The following CYP4Z1 variants were observed in gnomAD, a reference collection of about 807,000 sequenced individuals.
CYP4Z1 encodes the protein cytochrome P450 family 4 subfamily Z member 1.
In CYP4Z1, 41 loss-of-function variants were observed where a neutral mutation model predicts 54.2. The observed-to-expected ratio is 0.76, with a 90% CI of 0.59 to 0.98. The LOEUF (loss-of-function observed/expected upper bound fraction) is 0.98. Ranked by LOEUF, CYP4Z1 falls within the 50% of genes least tolerant of loss-of-function variation. The pLI is 0.00. For synonymous variants in CYP4Z1, 163 were observed against 206.2 expected (o/e 0.79, Z 1.79); for missense variants, 513 against 599.0 (o/e 0.86, Z 1.50).
chr1:47,082,962 G>A (rs397832645), intron 4 of CYP4Z1, among the ~76,000 whole-genome samples: 2 of 150,776 alleles, frequency 1.3e-5, no homozygotes, highest in Non-Finnish European at 3.0e-5. Context: ...GTGCAGAGAT[G>A]TCACAAGACA....
chr1:47,082,608 C>T (rs1232792460), intron 4 of CYP4Z1, 147 bp downstream of exon 4: 1 of 1,080,926 alleles, frequency 9.3e-7, no homozygotes, highest in Non-Finnish European at 1.3e-6. Flanking sequence ...CCATCATCAT[C>T]AGGGCAAGGA....
At chr1:47,062,003 A>G in the CYP4Z1 span, among the ~76,000 whole-genome samples, 1 of 152,194 alleles carries the variant, frequency 6.6e-6, no homozygotes, top group Non-Finnish European at 1.5e-5. Flanking sequence ...TAAAAACTCT[A>G]AATAAACTAT....
At chr1:47,114,787 C>A (rs1043368364) in intron 9 of CYP4Z1, among the ~76,000 whole-genome samples, 1 of 152,136 alleles carries the variant, frequency 6.6e-6, no homozygotes, top group African/African-American at 2.4e-5. Context: ...ATTAAAAAGT[C>A]AGGAAACAAC....
chr1:47,109,414 G>C (rs1273442980), intron 9 of CYP4Z1, among the ~76,000 whole-genome samples: 1 of 152,158 alleles, frequency 6.6e-6, no homozygotes, highest in Non-Finnish European at 1.5e-5. Context: ...AATAAGCTTA[G>C]TAAGGCTGAG....
At chr1:47,113,783 A>G (rs898694481) in intron 9 of CYP4Z1, among the ~76,000 whole-genome samples, 4 of 152,182 alleles carry the variant, frequency 2.6e-5, no homozygotes, top group Non-Finnish European at 4.4e-5. Flanking sequence ...CCGCTGCTCA[A>G]TGAAATAAAA....
At chr1:47,086,045 A>G (rs896517676) in intron 6 of CYP4Z1, among the ~76,000 whole-genome samples, 27 of 152,066 alleles carry the variant, frequency 1.8e-4, no homozygotes, top group African/African-American at 6.3e-4. Flanking sequence ...ATGGCTGCAT[A>G]GTATTCCATG....
chr1:47,098,100 A>T (rs961818240), intron 7 of CYP4Z1, among the ~76,000 whole-genome samples: 3 of 152,134 alleles, frequency 2.0e-5, no homozygotes, highest in African/African-American at 7.2e-5. Flanking sequence ...TACAAGCGTG[A>T]GCCGCTGCAC....
intron 4 of CYP4Z1, 59 bp downstream of exon 4, chr1:47,082,520 T>A (rs1644562491): frequency 6.4e-7 from 1 of 1,573,654 alleles, no homozygotes; most frequent in African/African-American, 1.4e-5. Flanking sequence ...GCCAGCCATA[T>A]GGTGTGGGAG....
intron 9 of CYP4Z1, 97 bp downstream of exon 9, chr1:47,106,358 T>G: frequency 7.2e-7 from 1 of 1,385,654 alleles, no homozygotes; most frequent in Non-Finnish European, 9.7e-7. Context: ...ATCCTTAGAC[T>G]CTGTGGAACC....
At chr1:47,090,459 G>A (rs1644630920) in intron 6 of CYP4Z1, among the ~76,000 whole-genome samples, 1 of 152,186 alleles carries the variant, frequency 6.6e-6, no homozygotes, top group African/African-American at 2.4e-5. Flanking sequence ...AATTTCCTTT[G>A]AAAAGTTTAC....
intron 6 of CYP4Z1, among the ~76,000 whole-genome samples, chr1:47,085,927 AG>A (rs1337618617): frequency 2.1e-5 from 3 of 142,710 alleles, no homozygotes; most frequent in Non-Finnish European, 4.5e-5. Flanking sequence ...CCCACCTATG[AG>A]TGAGAACATG....
intron 6 of CYP4Z1, among the ~76,000 whole-genome samples, chr1:47,089,448 T>TC (rs1644622364): frequency 6.6e-6 from 1 of 151,848 alleles, no homozygotes; most frequent in Non-Finnish European, 1.5e-5. Flanking sequence ...TATTCTCTAA[T>TC]GACAAGTCAA....
At chr1:47,079,999 A>G (rs1644551916) in intron 2 of CYP4Z1, among the ~76,000 whole-genome samples, 1 of 151,980 alleles carries the variant, frequency 6.6e-6, no homozygotes, top group Non-Finnish European at 1.5e-5. Context: ...AGTGAATCTC[A>G]TGTTAACAAT....
chr1:47,056,715 C>T, the CYP4Z1 span, among the ~76,000 whole-genome samples: 1 of 152,068 alleles, frequency 6.6e-6, no homozygotes, highest in Non-Finnish European at 1.5e-5. Context: ...GGTTTAAAGT[C>T]TGTTTTATCA....
chr1:47,085,434 C>T (rs1451112383), intron 6 of CYP4Z1, among the ~76,000 whole-genome samples: 1 of 152,142 alleles, frequency 6.6e-6, no homozygotes, highest in Non-Finnish European at 1.5e-5. Flanking sequence ...ACATAGATAA[C>T]TTTGAGGGAC....
intron 8 of CYP4Z1, 129 bp from the exon 9 acceptor site, chr1:47,105,999 C>T (rs1367718332): frequency 8.9e-7 from 1 of 1,121,852 alleles, no homozygotes; most frequent in African/African-American, 1.6e-5. Context: ...ATACTTGATA[C>T]ATCTGAAGTC....
intron 4 of CYP4Z1, among the ~76,000 whole-genome samples, chr1:47,083,771 C>G (rs1035511271): frequency 1.3e-5 from 2 of 152,094 alleles, no homozygotes; most frequent in African/African-American, 4.8e-5. Context: ...CCCCTTCAGC[C>G]TGCTCCAACC....
At chr1:47,114,245 C>T (rs376671012) in intron 9 of CYP4Z1, among the ~76,000 whole-genome samples, 1 of 152,092 alleles carries the variant, frequency 6.6e-6, no homozygotes, top group Non-Finnish European at 1.5e-5. Context: ...TAGCCATATG[C>T]AGAAAGCTGA....
the CYP4Z1 span, among the ~76,000 whole-genome samples, chr1:47,056,460 A>T: frequency 6.6e-6 from 1 of 152,078 alleles, no homozygotes; most frequent in African/African-American, 2.4e-5. Flanking sequence ...GCTGAGTTCA[A>T]TTCCTGGATA....
Sources: gnomAD v4.1 joint callset for allele counts (sites outside exome capture counted in the v4.1 genomes callset) on GRCh38, gnomAD v4.1.1 for gene constraint, MANE v1.5 for transcripts, NCBI Gene and HGNC (gene_info 2026-07-23, HGNC 2026-07-21) for gene names.